TAMM41: variants seen among roughly 807,000 people sequenced by gnomAD.
The protein encoded by TAMM41 is phosphatidate cytidylyltransferase, mitochondrial.
TAMM41 carries 36 observed loss-of-function variants against 44.1 expected under a neutral mutation model. The ratio of observed to expected loss-of-function variants is 0.82; its 90% CI spans 0.63 to 1.08. The LOEUF (loss-of-function observed/expected upper bound fraction) is 1.08, where lower values mean the gene tolerates loss of function less well. Among genes scored for constraint, TAMM41 ranks in the 50% least tolerant of loss-of-function variants. The pLI is 0.00. For missense variants in TAMM41, 417 were observed against 404.3 expected (o/e 1.03, Z -0.27); for synonymous variants, 164 against 153.1 (o/e 1.07, Z -0.53).
rs116677614 is a variant in TAMM41, at chr3:11,842,464, T to C, written c.318+1565A>G. On this transcript the variant is annotated intron_variant, in intron 2 of 7. Coordinates refer to ENST00000455809, the MANE Select transcript of TAMM41 (RefSeq NM_001284401.2). Reference sequence around the variant, plus strand: ...CTCACACCTGTAAATCCCAGTACTTTGGGAGGACTGTTTGGGGTCAGGAGT... The same window carrying C: ...CTCACACCTGTAAATCCCAGTACTTCGGGAGGACTGTTTGGGGTCAGGAGT... Among the ~76,000 whole-genome samples, 830 of 149,176 alleles carry C rather than the reference T, an allele frequency of 5.6e-3. 7 individuals are homozygous for C. The highest frequency in any genetic ancestry group is 0.015 in the African/African-American group (600 of 40,596).
At chr3:11,765,610 T>G in the TAMM41 span, among the ~76,000 whole-genome samples, 3 of 152,090 alleles carry the variant, frequency 2.0e-5, no homozygotes, top group Non-Finnish European at 4.4e-5. Context: ...GAGAATTGAG[T>G]TGCAGCTATT....
At chr3:11,764,532 T>G in the TAMM41 span, among the ~76,000 whole-genome samples, 1 of 132,002 alleles carries the variant, frequency 7.6e-6, no homozygotes, top group African/African-American at 2.9e-5. Flanking sequence ...TTGCTCTGTC[T>G]CCCAGGCTGG....
the TAMM41 span, among the ~76,000 whole-genome samples, chr3:11,732,436 C>T: frequency 5.6e-4 from 86 of 152,290 alleles, no homozygotes; most frequent in African/African-American, 2.1e-3. Context: ...AGGTTTCACT[C>T]TCATGGAGCT....
At chr3:11,782,501 T>C in the TAMM41 span, among the ~76,000 whole-genome samples, 14 of 150,300 alleles carry the variant, frequency 9.3e-5, no homozygotes, top group African/African-American at 3.4e-4. Flanking sequence ...AAGCTGAGAT[T>C]GTGCCACTGC....
intron 5 of TAMM41, among the ~76,000 whole-genome samples, chr3:11,812,298 T>G (rs752983298): frequency 6.6e-6 from 1 of 152,182 alleles, no homozygotes; most frequent in African/African-American, 2.4e-5. Context: ...GCACCACCTG[T>G]AGACCTAAAA....
intron 5 of TAMM41, among the ~76,000 whole-genome samples, chr3:11,816,228 A>AC: frequency 1.3e-5 from 2 of 152,190 alleles, no homozygotes; most frequent in East Asian, 3.9e-4. Flanking sequence ...AAAAAAAAAA[A>AC]AACCTTTGGC....
chr3:11,846,761 C>G lies in TAMM41; in HGVS notation c.-125G>C. 1 of 1,273,792 alleles carries G rather than the reference C, an allele frequency of 7.9e-7. No homozygotes were observed. The highest frequency in any genetic ancestry group is 1.1e-6 in the Non-Finnish European group (1 of 908,424). The allele number at this position is 1,273,792 out of a possible 1,614,324, so 78.9% of individuals were successfully genotyped here. On this transcript the variant is annotated 5_prime_UTR_variant, in exon 1 of 8. Coordinates refer to ENST00000455809, the MANE Select transcript of TAMM41 (RefSeq NM_001284401.2). ...GGAGACTGGATCGAGGGACACAAGGCTGAGTGTGGGGTGGGACTGCAAGCA... is the reference window on the plus strand; with the variant it reads ...GGAGACTGGATCGAGGGACACAAGGGTGAGTGTGGGGTGGGACTGCAAGCA...
chr3:11,723,455 C>T, the TAMM41 span, among the ~76,000 whole-genome samples: 2 of 151,970 alleles, frequency 1.3e-5, no homozygotes, highest in African/African-American at 4.8e-5. Flanking sequence ...TGGCACATGC[C>T]TGTAAGTCCC....
At chr3:11,823,266 T>C (rs2125008479) in intron 4 of TAMM41, among the ~76,000 whole-genome samples, 1 of 149,424 alleles carries the variant, frequency 6.7e-6, no homozygotes, top group East Asian at 1.9e-4. Context: ...TTTTTTTTTT[T>C]TTTTTTTGAG....
the TAMM41 span, among the ~76,000 whole-genome samples, chr3:11,725,338 T>TCTC: frequency 2.6e-5 from 2 of 77,392 alleles, no homozygotes; most frequent in African/African-American, 1.1e-4. Context: ...CTTTTTTTCT[T>TCTC]CTCCTCCTCC....
At chr3:11,738,699 C>G in the TAMM41 span, among the ~76,000 whole-genome samples, 2 of 152,218 alleles carry the variant, frequency 1.3e-5, no homozygotes, top group African/African-American at 4.8e-5. Flanking sequence ...CTTTCCCCTA[C>G]TTGACAACTT....
At chr3:11,787,411 C>T (rs866536571), downstream of TAMM41, among the ~76,000 whole-genome samples, 3 of 152,294 alleles carry the variant, frequency 2.0e-5, no homozygotes, top group African/African-American at 2.4e-5. Flanking sequence ...ATGTTAGCAG[C>T]GTCCTGATGT....
At chr3:11,774,895 G>A in the TAMM41 span, among the ~76,000 whole-genome samples, 2 of 146,272 alleles carry the variant, frequency 1.4e-5, no homozygotes, top group African/African-American at 5.1e-5. Context: ...TTGAGACGGA[G>A]TCTCGCTTTG....
the TAMM41 span, among the ~76,000 whole-genome samples, chr3:11,769,176 A>T: frequency 2.0e-5 from 3 of 151,984 alleles, no homozygotes; most frequent in Non-Finnish European, 4.4e-5. Flanking sequence ...GCAACCTCTA[A>T]CCTGACGGGT....
rs2079722985 is a variant in TAMM41 at position 11,846,784 on chromosome 3, G to GGA, written c.-149_-148insTC. 1 of 1,035,982 alleles carries GGA rather than the reference G, an allele frequency of 9.7e-7. No homozygotes were observed. Among genetic ancestry groups the GGA allele is most frequent in the South Asian group, 1.5e-5 (1 of 65,730 alleles). The allele number at this position is 1,035,982 out of a possible 1,614,324, so 64.2% of individuals were successfully genotyped here. A position where few individuals can be genotyped will look rare whatever the true frequency, so the allele number is the denominator to read the frequency against. Reference sequence around the variant, plus strand: ...GGCTGAGTGTGGGGTGGGACTGCAAGCACACGCAAGGATTGGGGCGTTGGG... The same window carrying GGA: ...GGCTGAGTGTGGGGTGGGACTGCAAGGACACACGCAAGGATTGGGGCGTTGGG... On this transcript the variant is annotated 5_prime_UTR_variant, in exon 1 of 8. Transcript: ENST00000455809.
At chr3:11,778,149 G>A in the TAMM41 span, among the ~76,000 whole-genome samples, 2 of 152,112 alleles carry the variant, frequency 1.3e-5, no homozygotes, top group Non-Finnish European at 2.9e-5. Context: ...TCCAGTTTTT[G>A]TGTGGACATA....
intron 7 of TAMM41, among the ~76,000 whole-genome samples, chr3:11,803,623 G>A (rs188954772): frequency 6.6e-6 from 1 of 152,164 alleles, no homozygotes; most frequent in East Asian, 1.9e-4. Context: ...AAAACCACTC[G>A]TATGTTTACT....
In TAMM41 at chr3:11,845,594, T is replaced by C. The variant is rs946202941; in HGVS notation, c.135+908A>G. Among the ~76,000 whole-genome samples the C allele has an allele frequency of 2.0e-5, 3 of 152,296 alleles. No individual in the cohort carries two copies. The East Asian group carries it at 5.8e-4, about 29-fold the overall frequency. On this transcript the variant is annotated intron_variant, in intron 1 of 7. Transcript: ENST00000455809. ...AAATTCGGGAAAAATAACTAGCCTA[T>C]AATAACCTATAATTTCTCATATGCT... is the stretch of plus-strand genomic sequence containing the variant.
chr3:11,791,491 T>A (rs2077476321), intron 7 of TAMM41, among the ~76,000 whole-genome samples: 2 of 152,210 alleles, frequency 1.3e-5, no homozygotes, highest in South Asian at 4.1e-4. Context: ...GTGGGATCAT[T>A]CAGTTTGTGT....
Sources: gnomAD v4.1 joint callset for allele counts (sites outside exome capture counted in the v4.1 genomes callset) on GRCh38, gnomAD v4.1.1 for gene constraint, MANE v1.5 for transcripts, NCBI Gene and HGNC (gene_info 2026-07-23, HGNC 2026-07-21) for gene names.